AP4B1: variants seen among roughly 807,000 people sequenced by gnomAD.
The protein encoded by AP4B1 is AP-4 complex subunit beta-1.
AP4B1 carries 49 observed loss-of-function variants against 76.5 expected under a neutral mutation model. The observed-to-expected ratio is 0.64, with a 90% CI of 0.51 to 0.81. AP4B1 has a LOEUF of 0.81. Ranked by LOEUF, AP4B1 falls within the 40% of genes least tolerant of loss-of-function variation. AP4B1 has a pLI of 0.00. For missense variants in AP4B1, 911 were observed against 904.9 expected (o/e 1.01, Z -0.09); for synonymous variants, 330 against 333.3 (o/e 0.99, Z 0.11).
Position 113,897,851 on chromosome 1 carries a change from G to C in AP4B1, c.1291C>G (p.Gln431Glu). The C allele has an allele frequency of 6.2e-7, 1 of 1,614,110 alleles. No individual in the cohort carries two copies. Among genetic ancestry groups the C allele is most frequent in the Non-Finnish European group, 8.5e-7 (1 of 1,180,004 alleles). Residue 431 changes from glutamine (Q) to glutamate (E), a missense_variant, in exon 7 of 10, where the codon CAA becomes GAA. Transcript: ENST00000369569. The stretch of plus-strand genomic sequence containing the variant: ...GAATTACAGTCTACCTCACTATCTT[G>C]AATGTTCTCTTCACAGCCGGGCAGG... ...QALPGCEENIQDSEGKQALIW... is the reference protein window; with the variant it reads ...QALPGCEENIEDSEGKQALIW...
chr1:113,898,835 A>G (rs1458574275), intron 5 of AP4B1, 34 bp from the exon 6 acceptor site: 2 of 1,505,464 alleles, frequency 1.3e-6, no homozygotes, highest in Middle Eastern at 1.7e-4. Context: ...AAAACTGCTA[A>G]GTGAAATATT....
At chr1:113,899,138 T>A in intron 5 of AP4B1, 1 of 1,128,604 alleles carries the variant, frequency 8.9e-7, no homozygotes, top group Non-Finnish European at 1.1e-6. Context: ...CAATGGAGTA[T>A]TTTTGTGGGG....
At chr1:113,898,651 T>C in intron 6 of AP4B1, 67 bp downstream of exon 6, 1 of 1,187,274 alleles carries the variant, frequency 8.4e-7, no homozygotes, top group Non-Finnish European at 1.2e-6. Flanking sequence ...ACAAACATGT[T>C]TTGAGCAACT....
At position 113,901,303 on chromosome 1, in the gene AP4B1, C is replaced by T; in HGVS notation, c.550G>A (p.Glu184Lys). The change falls in exon 4 of 10, where the codon GAG becomes AAG. Residue 184 changes from glutamate (E) to lysine (K), a missense_variant. Transcript: ENST00000369569. The part of the protein sequence containing the change: ...IVVVNCLRSL[E>K]EILKQEGGVV... ...CCTCCTTCCTGTTTCAGAATTTCCTCTAGAGACCTCAAGCAGTTCACAACT... is the reference window on the plus strand; with the variant it reads ...CCTCCTTCCTGTTTCAGAATTTCCTTTAGAGACCTCAAGCAGTTCACAACT... 6.2e-7 allele frequency: 1 copy of T among 1,614,120 alleles called. No homozygotes were observed. Among genetic ancestry groups the T allele is most frequent in the Non-Finnish European group, 8.5e-7 (1 of 1,180,012 alleles).
intron 9 of AP4B1, 57 bp downstream of exon 9, chr1:113,895,700 A>G: frequency 6.2e-7 from 1 of 1,607,788 alleles, no homozygotes; most frequent in Non-Finnish European, 8.5e-7. Context: ...CTTTCCACCA[A>G]TCATTGAAAA....
chr1:113,895,108 A>G lies in AP4B1; in HGVS notation c.2177T>C (p.Val726Ala). The change falls in exon 10 of 10, where the codon GTA (valine) becomes GCA (alanine). Residue 726 changes from valine to alanine, a missense_variant. Coordinates refer to ENST00000369569, the MANE Select transcript of AP4B1 (RefSeq NM_001253852.3). Reference sequence around the variant, plus strand: ...AATTGTTCCAATCACAGTTTCTAATACAGAAATAAAACTATTCAGCGTCTC... The same window carrying G: ...AATTGTTCCAATCACAGTTTCTAATGCAGAAATAAAACTATTCAGCGTCTC... ...RTETLNSFISVLETVIGTIEE... is the reference protein window; with the variant it reads ...RTETLNSFISALETVIGTIEE... The G allele has an allele frequency of 6.2e-7, 1 of 1,614,086 alleles. No homozygotes were observed. The highest frequency in any genetic ancestry group is 8.5e-7 in the Non-Finnish European group (1 of 1,180,006).
chr1:113,902,238 C>T, intron 2 of AP4B1: 1 of 392,450 alleles, frequency 2.5e-6, no homozygotes, highest in Non-Finnish European at 4.8e-6. Context: ...CACCATCTTG[C>T]CCAGCTGGTC....
At chr1:113,902,456 C>G (rs1044172940) in intron 2 of AP4B1, among the ~76,000 whole-genome samples, 182 bp downstream of exon 2, 2 of 152,222 alleles carry the variant, frequency 1.3e-5, no homozygotes, top group African/African-American at 2.4e-5. Context: ...AAAACTCCCT[C>G]TAATAAAATT....
intron 6 of AP4B1, 28 bp from the exon 7 acceptor site, chr1:113,897,971 A>G: frequency 6.2e-7 from 1 of 1,614,128 alleles, no homozygotes; most frequent in Non-Finnish European, 8.5e-7. Context: ...GTACAAGAGC[A>G]CAGGATTAGA....
rs1255883444 is a variant in AP4B1, at chr1:113,901,813, C to T, written c.411G>A (p.Arg137=). ...TGGCACATCCAAGGACTGCCACTCTCCTGACATATGAAGCCTTATCCCGCA... is the reference window on the plus strand; with the variant it reads ...TGGCACATCCAAGGACTGCCACTCTTCTGACATATGAAGCCTTATCCCGCA... ...NGLRDKASYV[R]RVAVLGCAKM... The change falls in exon 3 of 10, where the codon AGG becomes AGA. Residue 137 remains arginine, a synonymous_variant. Transcript: ENST00000369569. 3 of 1,614,216 alleles carry T rather than the reference C, an allele frequency of 1.9e-6. No individual in the cohort carries two copies. The highest frequency in any genetic ancestry group is 1.1e-5 in the South Asian group (1 of 91,082).
rs1668717014 is a variant in AP4B1, at chr1:113,904,494, A to G, written c.113+111T>C. Reference sequence around the variant, plus strand: ...AGCAGCAGGACGAAGACCGAACCATATAACTGCCACGTGTGAAAGCTAATT... The same window carrying G: ...AGCAGCAGGACGAAGACCGAACCATGTAACTGCCACGTGTGAAAGCTAATT... On this transcript the variant is annotated intron_variant, in intron 1 of 9. Transcript: ENST00000369569. 4 of 1,016,726 alleles carry G rather than the reference A, an allele frequency of 3.9e-6. No homozygotes were observed. The South Asian group carries it at 5.1e-5, about 13-fold the overall frequency. 63.0% of individuals were successfully genotyped at this position (1,016,726 alleles called of 1,614,324 possible).
Position 113,895,323 on chromosome 1 carries a change from A to G in AP4B1, c.1962T>C (p.Pro654=), listed in dbSNP as rs1667327766. ...QVLPWRGEFH[P]DTLQMALQVV... is the part of the protein sequence containing the mutation. ...CTTGAAGAGCCATCTGGAGGGTGTC[A>G]GGATGGAATTCTCCCCGCCAAGGCA... The change falls in exon 10 of 10, where the codon CCT becomes CCC. Residue 654 remains proline (P), a synonymous_variant. Transcript: ENST00000369569. 1 of 1,614,228 alleles carries G rather than the reference A, an allele frequency of 6.2e-7. No individual in the cohort carries two copies. The highest frequency in any genetic ancestry group is 8.5e-7 in the Non-Finnish European group (1 of 1,180,036).
chr1:113,896,488 C>G (rs1204420738), intron 7 of AP4B1, 23 bp from the exon 8 acceptor site: 1 of 1,611,148 alleles, frequency 6.2e-7, no homozygotes, highest in African/African-American at 1.3e-5. Context: ...GGAATAAGAG[C>G]AAGTGCTCAA....
rs1341453528 is a variant in AP4B1 at position 113,901,341 on chromosome 1, T to C, written c.512A>G (p.Gln171Arg). The C allele has an allele frequency of 6.2e-7, 1 of 1,613,964 alleles. No individual in the cohort carries two copies. Among genetic ancestry groups the C allele is most frequent in the African/African-American group, 1.3e-5 (1 of 74,918 alleles). ...VNELYSLLRD[Q>R]DPIVVVNCLR... is the part of the protein sequence containing the mutation. ...GCAGTTCACAACTACAATTGGATCC[T>C]GGTCACGCAGCAAACTGTATAATTC... is the stretch of plus-strand genomic sequence containing the variant. Residue 171 changes from glutamine to arginine, a missense_variant, in exon 4 of 10, where the codon CAG (glutamine) becomes CGG (arginine). Physicochemically the swap from Gln to Arg is conservative, Grantham distance 43 (BLOSUM62 1). Transcript: ENST00000369569.
rs752380139 is a variant in AP4B1, at chr1:113,899,789, T to C, written c.1114+115A>G. The C allele has an allele frequency of 4.4e-5, 68 of 1,541,586 alleles. No individual in the cohort carries two copies. The Admixed American group carries it at 1.0e-3, about 24-fold the overall frequency. On this transcript the variant is annotated intron_variant, in intron 5 of 9. Coordinates refer to ENST00000369569, the MANE Select transcript of AP4B1 (RefSeq NM_001253852.3). ...GTCACTGACCCAATTATTTAGTGCA[T>C]AGTACTTTGCTTCTGAAGCAAGATT...
intron 4 of AP4B1, chr1:113,900,603 C>T: frequency 1.6e-6 from 1 of 627,090 alleles, no homozygotes; most frequent in South Asian, 2.0e-5. Flanking sequence ...GTTGTTAATA[C>T]AAATGCACAC....
chr1:113,895,908 A>G lies in AP4B1; in HGVS notation c.1641T>C (p.Asp547=). The G allele has an allele frequency of 6.2e-7, 1 of 1,614,192 alleles. No individual in the cohort carries two copies. The highest frequency in any genetic ancestry group is 8.5e-7 in the Non-Finnish European group (1 of 1,180,044). ...AGCTATTCACAGGTCTTTCTGCCGG[A>G]TCCTCCAAAAGTCCAAGAGTAGGGT... is the stretch of plus-strand genomic sequence containing the variant. ...KSDPTLGLLE[D]PAERPVNSWA... The change falls in exon 9 of 10, where the codon GAT becomes GAC. Residue 547 remains aspartate (D), a synonymous_variant. Transcript: ENST00000369569.
rs147043117 is a variant in AP4B1 at position 113,901,835 on chromosome 1, C to T, written c.389G>A (p.Arg130Gln). ...YIQQPILNGLRDKASYVRRVA... is the reference protein window; with the variant it reads ...YIQQPILNGLQDKASYVRRVA... ...TCTCCTGACATATGAAGCCTTATCCCGCAGACCATTGAGAATAGGCTGTTG... is the reference window on the plus strand; with the variant it reads ...TCTCCTGACATATGAAGCCTTATCCTGCAGACCATTGAGAATAGGCTGTTG... Residue 130 changes from arginine (R) to glutamine (Q), a missense_variant, in exon 3 of 10, where the codon CGG becomes CAG. Transcript: ENST00000369569. 133 of 1,614,010 alleles carry T rather than the reference C, an allele frequency of 8.2e-5. No homozygotes were observed. In the African/African-American group the frequency reaches 1.2e-3, roughly 15 times the overall value.
rs770112076 is a variant in AP4B1 at position 113,898,691 on chromosome 1, C to G, written c.1198+27G>C. 6 of 1,594,716 alleles carry G rather than the reference C, an allele frequency of 3.8e-6. No individual in the cohort carries two copies. The African/African-American group carries it at 8.0e-5, about 21-fold the overall frequency. ...TAGGCCAGGCACCTGACAAAAAAAA[C>G]AAAAATCCTAAAAAGGCAGGCATTA... is the stretch of plus-strand genomic sequence containing the variant. On this transcript the variant is annotated intron_variant, in intron 6 of 9. Transcript: ENST00000369569.
Sources: allele counts gnomAD v4.1 joint callset (sites outside exome capture counted in the v4.1 genomes callset), GRCh38; gene constraint gnomAD v4.1.1; transcripts MANE v1.5; gene names NCBI Gene and HGNC (gene_info 2026-07-23, HGNC 2026-07-21).